EPYC: variants seen among roughly 807,000 people sequenced by gnomAD.
EPYC encodes epiphycan.
A neutral mutation model predicts 30.1 loss-of-function variants in EPYC; 28 were observed. The ratio of observed to expected loss-of-function variants is 0.93; its 90% CI spans 0.69 to 1.28. EPYC has a LOEUF of 1.28. EPYC is among the 50% of genes most tolerant of loss of function. The pLI is 0.00. For synonymous variants in EPYC, 144 were observed against 141.4 expected (o/e 1.02, Z -0.13); for missense variants, 382 against 383.5 (o/e 1.00, Z 0.03).
chr12:90,997,635 C>T (rs1877724345), intron 2 of EPYC, among the ~76,000 whole-genome samples: 1 of 152,018 alleles, frequency 6.6e-6, no homozygotes, highest in Non-Finnish European at 1.5e-5. Flanking sequence ...TTCTGATGAA[C>T]CCTTTAAGGC....
At chr12:90,967,013 G>T (rs1164775648) in intron 6 of EPYC, among the ~76,000 whole-genome samples, 1 of 151,798 alleles carries the variant, frequency 6.6e-6, no homozygotes, top group East Asian at 1.9e-4. Flanking sequence ...TTTTTTCCTA[G>T]GTCACATCAG....
chr12:90,999,713 A>G (rs1877776854), intron 2 of EPYC, among the ~76,000 whole-genome samples: 1 of 152,124 alleles, frequency 6.6e-6, no homozygotes, highest in Non-Finnish European at 1.5e-5. Flanking sequence ...CTGCATGAAG[A>G]AATTCATGTC....
intron 5 of EPYC, among the ~76,000 whole-genome samples, chr12:90,970,471 G>T (rs1286438392): frequency 6.6e-6 from 1 of 152,164 alleles, no homozygotes; most frequent in Non-Finnish European, 1.5e-5. Flanking sequence ...ATTCTGCAGT[G>T]GGATTTTGAG....
Position 90,978,159 on chromosome 12 carries a change from G to A in EPYC, c.269C>T (p.Pro90Leu). Residue 90 changes from proline (P) to leucine (L), a missense_variant, in exon 3 of 7, where the codon CCC (proline) becomes CTC (leucine). By Grantham distance (98) the Pro-to-Leu change is moderately conservative. Coordinates refer to ENST00000261172, the MANE Select transcript of EPYC (RefSeq NM_004950.5). ...QEEEEEEEST[P>L]RLIDGSSPQE... The stretch of plus-strand genomic sequence containing the variant: ...GGGAGAAGAGCCATCAATCAGCCTG[G>A]GAGTAGATTCCTCCTCCTCTTCCTC... The A allele has an allele frequency of 6.2e-7, 1 of 1,606,728 alleles. No individual in the cohort carries two copies.
chr12:90,968,588 C>A (rs758979314), intron 6 of EPYC, among the ~76,000 whole-genome samples: 1 of 151,930 alleles, frequency 6.6e-6, no homozygotes, highest in Non-Finnish European at 1.5e-5. Context: ...CTGACAGTGA[C>A]GGAGAAAAAA....
chr12:90,978,363 G>GTGTCCTCTTGT, intron 2 of EPYC, 101 bp from the exon 3 acceptor site: 1 of 1,155,066 alleles, frequency 8.7e-7, no homozygotes, highest in Non-Finnish European at 1.2e-6. Context: ...TGCCACAAGA[G>GTGTCCTCTTGT]GACACTCATG....
At chr12:90,997,248 A>G (rs1487409496) in intron 2 of EPYC, among the ~76,000 whole-genome samples, 1 of 152,078 alleles carries the variant, frequency 6.6e-6, no homozygotes, top group East Asian at 1.9e-4. Context: ...TATTGAATAC[A>G]CAGGGGTAGT....
intron 3 of EPYC, among the ~76,000 whole-genome samples, chr12:90,973,254 G>T (rs1877099412): frequency 6.6e-6 from 1 of 151,826 alleles, no homozygotes; most frequent in Non-Finnish European, 1.5e-5. Flanking sequence ...CATTATTATT[G>T]TGCTTTTCAT....
Position 90,993,640 on chromosome 12 carries a change from T to A in EPYC, c.165+8761A>T, listed in dbSNP as rs568329127. Among the ~76,000 whole-genome samples the A allele has an allele frequency of 3.1e-4, 47 of 152,072 alleles. No individual in the cohort carries two copies. In the South Asian group the frequency reaches 9.7e-3, roughly 32 times the overall value. On this transcript the variant is annotated intron_variant, in intron 2 of 6. Coordinates refer to ENST00000261172, the MANE Select transcript of EPYC (RefSeq NM_004950.5). ...TATTATGTTCCCAACTGTTATTTTT[T>A]CTTTGTCTCACTTTCTAAGTTTGTA...
chr12:90,985,317 A>G (rs551469927), intron 2 of EPYC, among the ~76,000 whole-genome samples: 1 of 152,270 alleles, frequency 6.6e-6, no homozygotes, highest in Non-Finnish European at 1.5e-5. Context: ...AGGCCTTAAG[A>G]AAATATACTC....
Position 90,963,983 on chromosome 12 carries a change from G to A in EPYC, c.*173C>T. ...TTATAGGTTTATTCCTAACTCATCT[G>A]GTGTTTTCTTAAATTACTACATTTT... is the stretch of plus-strand genomic sequence containing the variant. On this transcript the variant is annotated 3_prime_UTR_variant, in exon 7 of 7. Transcript: ENST00000261172. The A allele has an allele frequency of 2.0e-6, 1 of 491,232 alleles. No individual in the cohort carries two copies. The highest frequency in any genetic ancestry group is 4.4e-5 in the South Asian group (1 of 22,880). The allele number at this position is 491,232 out of a possible 1,614,324, so 30.4% of individuals were successfully genotyped here. A position where few individuals can be genotyped will look rare whatever the true frequency, so the allele number is the denominator to read the frequency against.
chr12:90,969,062 A>G (rs1272634068), intron 6 of EPYC, among the ~76,000 whole-genome samples: 1 of 151,266 alleles, frequency 6.6e-6, no homozygotes, highest in Non-Finnish European at 1.5e-5. Context: ...ATTTATATAT[A>G]TGTAGACACC....
At position 90,988,900 on chromosome 12, in the gene EPYC, G is replaced by C. The variant is rs559810803; in HGVS notation, c.166-10638C>G. Among the ~76,000 whole-genome samples the C allele has an allele frequency of 2.0e-5, 3 of 152,148 alleles. No homozygotes were observed. In the South Asian group the frequency reaches 6.2e-4, roughly 32 times the overall value. ...TATTGTCTATCCATTGACAGATTAA[G>C]GGAAGAGAACTAGCCACATGAGCCA... On this transcript the variant is annotated intron_variant, in intron 2 of 6. Transcript: ENST00000261172.
intron 4 of EPYC, chr12:90,972,485 G>A (rs1945151241): frequency 5.7e-6 from 1 of 176,224 alleles, no homozygotes; most frequent in African/African-American, 2.4e-5. Flanking sequence ...TTTTTAAAAA[G>A]CCAACTCCTC....
At chr12:90,994,310 T>G (rs1039912729) in intron 2 of EPYC, among the ~76,000 whole-genome samples, 1 of 152,184 alleles carries the variant, frequency 6.6e-6, no homozygotes, top group Non-Finnish European at 1.5e-5. Context: ...GATTCAATGG[T>G]AAAGTTACTT....
intron 2 of EPYC, among the ~76,000 whole-genome samples, chr12:90,989,284 A>G (rs916142604): frequency 2.0e-5 from 3 of 152,016 alleles, no homozygotes; most frequent in Admixed American, 6.6e-5. Context: ...TTGTTGTAGT[A>G]CTTACTGAAA....
Position 91,002,496 on chromosome 12 carries a change from CTA to C in EPYC, c.68_69del (p.Leu23ArgfsTer6). 1 of 1,613,294 alleles carries C rather than the reference CTA, an allele frequency of 6.2e-7. No homozygotes were observed. The highest frequency in any genetic ancestry group is 8.5e-7 in the Non-Finnish European group (1 of 1,179,590). Reference sequence around the variant, plus strand: ...GTTTCTGAGTCATAGTTGATGGACTCTAGAGTTGGGGCAGTCACAGCAGCATC... The same window carrying C: ...GTTTCTGAGTCATAGTTGATGGACTCGAGTTGGGGCAGTCACAGCAGCATC... Reference protein sequence around the residue: ...IFDAAVTAPTLESINYDSETY... With the variant: ...IFDAAVTAPTXESINYDSETY... On this transcript the variant is annotated frameshift_variant, in exon 2 of 7. Coordinates refer to ENST00000261172, the MANE Select transcript of EPYC (RefSeq NM_004950.5). LOFTEE classifies it high-confidence loss of function.
rs770272971 is a variant in EPYC at position 90,970,135 on chromosome 12, A to G, written c.707T>C (p.Met236Thr). 4 of 1,610,658 alleles carry G rather than the reference A, an allele frequency of 2.5e-6. No individual in the cohort carries two copies. The highest frequency in any genetic ancestry group is 1.3e-5 in the African/African-American group (1 of 74,842). Reference sequence around the variant, plus strand: ...GAGGTACAGATGATGGAGATCATACATGTCCTGTAAACATTCCAAATGTGG... The same window carrying G: ...GAGGTACAGATGATGGAGATCATACGTGTCCTGTAAACATTCCAAATGTGG... ...KGIKQEAFKDMYDLHHLYLTD... is the reference protein window; with the variant it reads ...KGIKQEAFKDTYDLHHLYLTD... The change falls in exon 6 of 7, where the codon ATG (methionine) becomes ACG (threonine). Residue 236 changes from methionine (M) to threonine (T), a missense_variant. Physicochemically the swap from Met to Thr is moderately conservative, Grantham distance 81 (BLOSUM62 -1). Transcript: ENST00000261172.
In EPYC at chr12:90,980,913, G is replaced by C. The variant is rs141934909; in HGVS notation, c.166-2651C>G. Among the ~76,000 whole-genome samples the C allele has an allele frequency of 5.2e-3, 794 of 152,008 alleles. 8 individuals are homozygous for C. The highest frequency in any genetic ancestry group is 0.018 in the African/African-American group (750 of 41,446). ...ATATAATACAAATGGTCATTACTAC[G>C]TATGACTTTGATTTCAGTCAAAGTC... is the stretch of plus-strand genomic sequence containing the variant. On this transcript the variant is annotated intron_variant, in intron 2 of 6. Coordinates refer to ENST00000261172, the MANE Select transcript of EPYC (RefSeq NM_004950.5).
Sources: allele counts gnomAD v4.1 joint callset (sites outside exome capture counted in the v4.1 genomes callset), GRCh38; gene constraint gnomAD v4.1.1; transcripts MANE v1.5; gene names NCBI Gene and HGNC (gene_info 2026-07-23, HGNC 2026-07-21).